PC: variants seen among roughly 807,000 people sequenced by gnomAD.
PC encodes the protein pyruvate carboxylase, mitochondrial.
Under a neutral mutation model 107.8 loss-of-function variants are expected in PC, and 46 were observed. That is an observed-to-expected ratio of 0.43 (90% CI 0.34 to 0.55). The LOEUF (loss-of-function observed/expected upper bound fraction) is 0.55. Among genes scored for constraint, PC ranks in the 20% least tolerant of loss-of-function variants. The probability of loss-of-function intolerance (pLI) is 0.04; values close to 1 mark genes in which losing one functional copy is unlikely to be tolerated. For missense variants in PC, 1,241 were observed against 1,643.1 expected, an observed-to-expected ratio of 0.76 and a Z score of 4.23; for synonymous variants, 662 against 684.7, an observed-to-expected ratio of 0.97 and a Z score of 0.52.
At chr11:66,921,172 C>T (rs925229841) in intron 3 of PC, among the ~76,000 whole-genome samples, 1 of 152,190 alleles carries the variant, frequency 6.6e-6, no homozygotes, top group African/African-American at 2.4e-5. Context: ...GGAAGACAAA[C>T]CACTTTCACT....
At chr11:66,910,967 T>C (rs1427388867) in intron 3 of PC, among the ~76,000 whole-genome samples, 3 of 152,244 alleles carry the variant, frequency 2.0e-5, no homozygotes, top group Admixed American at 2.0e-4. Context: ...GGAATTTACG[T>C]AACCTTCTGA....
At position 66,850,338 on chromosome 11, in the gene PC, G is replaced by C. The variant is rs11550554; in HGVS notation, c.2600C>G (p.Pro867Arg). The change falls in exon 19 of 23, where the codon CCA becomes CGA. Residue 867 changes from proline (P) to arginine (R), a missense_variant. Coordinates refer to ENST00000393960, the MANE Select transcript of PC (RefSeq NM_001040716.2). ...GNSDVYENEI[P>R]GGQYTNLHFQ... is the part of the protein sequence containing the mutation. ...GTGCAGGTTGGTGTACTGGCCCCCT[G>C]GGATCTCATTTTCATACACGTCCGA... 1 of 1,614,132 alleles carries C rather than the reference G, an allele frequency of 6.2e-7. No homozygotes were observed. The highest frequency in any genetic ancestry group is 8.5e-7 in the Non-Finnish European group (1 of 1,180,026).
chr11:66,863,541 C>T (rs1418922162), intron 12 of PC, among the ~76,000 whole-genome samples: 3 of 152,164 alleles, frequency 2.0e-5, no homozygotes, highest in Non-Finnish European at 2.9e-5. Context: ...GGACGAGCTC[C>T]GGCCAGGCCA....
intron 12 of PC, chr11:66,859,125 T>A: frequency 2.7e-6 from 4 of 1,472,364 alleles, no homozygotes; most frequent in Non-Finnish European, 3.6e-6. Flanking sequence ...CCGGCTGCAC[T>A]CCCGGCGCCC....
chr11:66,858,651 C>G lies in PC; in HGVS notation c.1368+5123G>C. ...AGGCCAGCGGGCCACGCTGCGGTGCCGGGCCCTGGGTGACCCCGCGCCTAC... is the reference window on the plus strand; with the variant it reads ...AGGCCAGCGGGCCACGCTGCGGTGCGGGGCCCTGGGTGACCCCGCGCCTAC... On this transcript the variant is annotated intron_variant, in intron 12 of 22. Transcript: ENST00000393960. The surrounding 1 kb of genome is among the most constrained non-coding windows in gnomAD (Gnocchi z 5.9). 1 of 1,541,206 alleles carries G rather than the reference C, an allele frequency of 6.5e-7. No individual in the cohort carries two copies. Among genetic ancestry groups the G allele is most frequent in the Non-Finnish European group, 8.7e-7 (1 of 1,144,006 alleles).
intron 3 of PC, among the ~76,000 whole-genome samples, chr11:66,917,469 C>G (rs140122165): frequency 1.3e-5 from 2 of 152,058 alleles, no homozygotes; most frequent in Admixed American, 1.3e-4. Flanking sequence ...TTTTTCCTAC[C>G]TAGGATGGAG....
At chr11:66,956,858 C>T (rs1211856658) in intron 1 of PC, among the ~76,000 whole-genome samples, 1 of 152,240 alleles carries the variant, frequency 6.6e-6, no homozygotes, top group Non-Finnish European at 1.5e-5. Flanking sequence ...AGGCTCTCTA[C>T]AAACATCTGC....
intron 3 of PC, among the ~76,000 whole-genome samples, chr11:66,930,644 A>T (rs562215391): frequency 2.6e-5 from 4 of 151,140 alleles, no homozygotes; most frequent in African/African-American, 9.7e-5. Flanking sequence ...TGGGAGGTTG[A>T]GACAGGAGAA....
chr11:66,920,730 T>G (rs539534722), intron 3 of PC, among the ~76,000 whole-genome samples: 2 of 152,266 alleles, frequency 1.3e-5, no homozygotes, highest in Non-Finnish European at 2.9e-5. Flanking sequence ...GATGCAAATG[T>G]AACATGTTCA....
Position 66,848,441 on chromosome 11 carries a change from C to CA in PC, c.*457_*458insT, listed in dbSNP as rs1222433196. Reference sequence around the variant, plus strand: ...CCTCTGAGGAGAACGACACAACTGACCTGCCCACCCATGGGGAGCTTGAAA... The same window carrying CA: ...CCTCTGAGGAGAACGACACAACTGACACTGCCCACCCATGGGGAGCTTGAAA... On this transcript the variant is annotated 3_prime_UTR_variant, in exon 23 of 23. Transcript: ENST00000393960. 1.9e-6 allele frequency: 1 copy of CA among 526,762 alleles called. No homozygotes were observed. Among genetic ancestry groups the CA allele is most frequent in the Non-Finnish European group, 3.3e-6 (1 of 301,262 alleles). The allele number at this position is 526,762 out of a possible 1,614,324, so 32.6% of individuals were successfully genotyped here. A position where few individuals can be genotyped will look rare whatever the true frequency, so the allele number is the denominator to read the frequency against.
chr11:66,865,910 C>T (rs1211046047), intron 11 of PC, among the ~76,000 whole-genome samples: 3 of 152,132 alleles, frequency 2.0e-5, no homozygotes, highest in Admixed American at 2.0e-4. Flanking sequence ...GGCTTTGTGT[C>T]TGGGTCCCTG....
intron 3 of PC, among the ~76,000 whole-genome samples, chr11:66,934,879 A>G (rs1424581928): frequency 6.6e-6 from 1 of 152,178 alleles, no homozygotes; most frequent in Non-Finnish European, 1.5e-5. Flanking sequence ...TGCTGGGATT[A>G]CAGGTGTGAA....
intron 3 of PC, among the ~76,000 whole-genome samples, chr11:66,919,426 C>T (rs117869011): frequency 7.9e-5 from 12 of 152,280 alleles, no homozygotes; most frequent in Non-Finnish European, 1.6e-4. Flanking sequence ...AAAAATAAAA[C>T]AATTATCCCT....
intron 3 of PC, among the ~76,000 whole-genome samples, chr11:66,942,637 T>C (rs1006511895): frequency 2.6e-5 from 4 of 151,854 alleles, no homozygotes; most frequent in Admixed American, 1.3e-4. Flanking sequence ...TTTTACAAGA[T>C]GAAAAAAAGT....
At chr11:66,946,320 C>G (rs1359474436) in intron 3 of PC, among the ~76,000 whole-genome samples, 1 of 151,816 alleles carries the variant, frequency 6.6e-6, no homozygotes, top group Non-Finnish European at 1.5e-5. Context: ...ACAGTGAAAT[C>G]CCACCTCTAC....
Position 66,870,794 on chromosome 11 carries a change from G to A in PC, c.732C>T (p.His244=), listed in dbSNP as rs1322118579. The A allele has an allele frequency of 1.2e-6, 2 of 1,613,150 alleles. No homozygotes were observed. Among genetic ancestry groups the A allele is most frequent in the Non-Finnish European group, 1.7e-6 (2 of 1,179,966 alleles). The change falls in exon 8 of 23, where the codon CAC becomes CAT. Residue 244 remains histidine (H), a synonymous_variant. Coordinates refer to ENST00000393960, the MANE Select transcript of PC (RefSeq NM_001040716.2). The surrounding 1 kb of genome is among the most constrained non-coding windows in gnomAD (Gnocchi z 6.1). Reference sequence around the variant, plus strand: ...ACTCACCCAAGATCTGCACCTCGATGTGCCGTGGCTTCTCGATGAACTTCT... The same window carrying A: ...ACTCACCCAAGATCTGCACCTCGATATGCCGTGGCTTCTCGATGAACTTCT... ...FVEKFIEKPR[H]IEVQILGDQY...
chr11:66,885,247 C>T (rs761238662), intron 3 of PC, among the ~76,000 whole-genome samples: 2 of 152,238 alleles, frequency 1.3e-5, no homozygotes, highest in East Asian at 1.9e-4. Context: ...CCAGCACTTT[C>T]GGAGGCTGAA....
At position 66,852,046 on chromosome 11, in the gene PC, C is replaced by G; in HGVS notation, c.1826-100G>C. The G allele has an allele frequency of 1.6e-6, 2 of 1,238,960 alleles. No homozygotes were observed. The highest frequency in any genetic ancestry group is 2.3e-6 in the Non-Finnish European group (2 of 863,540). 76.7% of individuals were successfully genotyped at this position (1,238,960 alleles called of 1,614,324 possible). On this transcript the variant is annotated intron_variant, in intron 15 of 22. Coordinates refer to ENST00000393960, the MANE Select transcript of PC (RefSeq NM_001040716.2). This position sits in a 1 kb window ranked among gnomAD's most constrained non-coding sequence, Gnocchi z 4.7. ...CAGCACAAGCCTCTGGCCCCAATAC[C>G]AGGTCCTGCTCATCTTCGCCATACC...
At chr11:66,890,149 C>G (rs979131279) in intron 3 of PC, among the ~76,000 whole-genome samples, 4 of 152,126 alleles carry the variant, frequency 2.6e-5, no homozygotes, top group Admixed American at 6.6e-5. Context: ...GGTAGCAGAG[C>G]CTTCCTGAAT....
Sources: gnomAD v4.1 joint callset for allele counts (sites outside exome capture counted in the v4.1 genomes callset) on GRCh38, gnomAD v4.1.1 for gene constraint, Gnocchi (gnomAD v3.1) non-coding constraint, MANE v1.5 for transcripts, NCBI Gene and HGNC (gene_info 2026-07-23, HGNC 2026-07-21) for gene names.